The following SWT1 variants were observed in gnomAD, a reference collection of about 807,000 sequenced individuals.
SWT1 encodes the protein transcriptional protein SWT1.
Under a neutral mutation model 107.3 loss-of-function variants are expected in SWT1, and 33 were observed. That is an observed-to-expected ratio of 0.31 (90% CI 0.23 to 0.41). The LOEUF (loss-of-function observed/expected upper bound fraction) is 0.41, where lower values mean the gene tolerates loss of function less well. Among genes scored for constraint, SWT1 ranks in the 10% least tolerant of loss-of-function variants. The pLI is 1.00. For synonymous variants in SWT1, 345 were observed against 348.3 expected (o/e 0.99, Z 0.11); for missense variants, 898 against 1,028.9 (o/e 0.87, Z 1.74).
At chr1:185,188,963 C>CATT (rs1252291650) in intron 9 of SWT1, among the ~76,000 whole-genome samples, 17 of 151,964 alleles carry the variant, frequency 1.1e-4, no homozygotes, top group Admixed American at 1.3e-4. Flanking sequence ...CTACACATTG[C>CATT]ATTATTATTA....
chr1:185,226,704 C>T lies in SWT1; in HGVS notation c.2309+4668C>T, dbSNP rs1251143026. ...CAAAAACAAACAAACAAAAGCTTCC[C>T]TGCTATTTCTCATTTAAGCTTCTGA... On this transcript the variant is annotated intron_variant, in intron 15 of 18. Coordinates refer to ENST00000367500, the MANE Select transcript of SWT1 (RefSeq NM_017673.7). 14 of 448,240 alleles carry T rather than the reference C, an allele frequency of 3.1e-5. No homozygotes were observed. The East Asian group carries it at 3.1e-4, about 10-fold the overall frequency. 27.8% of individuals were successfully genotyped at this position (448,240 alleles called of 1,614,324 possible).
chr1:185,229,456 C>A (rs548172616), intron 15 of SWT1, among the ~76,000 whole-genome samples: 5 of 151,794 alleles, frequency 3.3e-5, no homozygotes, highest in Non-Finnish European at 7.4e-5. Context: ...GGAGGAAGAA[C>A]TTTTAGTGTC....
chr1:185,171,779 T>G, intron 4 of SWT1: 1 of 385,458 alleles, frequency 2.6e-6, no homozygotes. Context: ...TGGCACAGTC[T>G]CGGCTCACTG....
Position 185,221,878 on chromosome 1 carries a change from A to G in SWT1, c.2151A>G (p.Ser717=). 6.3e-7 allele frequency: 1 copy of G among 1,597,882 alleles called. No individual in the cohort carries two copies. Among genetic ancestry groups the G allele is most frequent in the East Asian group, 2.2e-5 (1 of 44,474 alleles). ...AGACAAAACTTAAGCCAAATTCTTCAGAAAACACAGTGACTAAAAAGCAGG... is the reference window on the plus strand; with the variant it reads ...AGACAAAACTTAAGCCAAATTCTTCGGAAAACACAGTGACTAAAAAGCAGG... ...EVKTKLKPNS[S]ENTVTKKQEG... The change falls in exon 15 of 19, where the codon TCA becomes TCG. Residue 717 remains serine (S), a synonymous_variant. Transcript: ENST00000367500.
Position 185,220,138 on chromosome 1 carries a change from C to CA in SWT1, c.2122-1685dup, listed in dbSNP as rs34674504. 2.9e-3 allele frequency among the ~76,000 whole-genome samples: 132 copies of CA among 45,630 alleles called. 5 individuals are homozygous for CA. The highest frequency in any genetic ancestry group is 6.1e-3 in the South Asian group (5 of 814). The allele number at this position is 45,630 out of a possible 152,430, so 29.9% of individuals were successfully genotyped here. ...TGGGTGGCAGAATGAGACCCTGTCT[C>CA]AAAAAAAAAAAAAAAAAAAAAAAAA... On this transcript the variant is annotated intron_variant, in intron 14 of 18. Coordinates refer to ENST00000367500, the MANE Select transcript of SWT1 (RefSeq NM_017673.7).
chr1:185,262,933 G>A lies in SWT1; in HGVS notation c.2442-8390G>A, dbSNP rs112701777. ...CTCCTGAGTAGCTGGGAATACAGGCGTGTGCCGTCATCCTGGGTGATTTTT... is the reference window on the plus strand; with the variant it reads ...CTCCTGAGTAGCTGGGAATACAGGCATGTGCCGTCATCCTGGGTGATTTTT... On this transcript the variant is annotated intron_variant, in intron 16 of 18. Coordinates refer to ENST00000367500, the MANE Select transcript of SWT1 (RefSeq NM_017673.7). 8.8e-3 allele frequency among the ~76,000 whole-genome samples: 1,334 copies of A among 151,994 alleles called. 17 individuals carry two copies. Among genetic ancestry groups the A allele is most frequent in the African/African-American group, 0.029 (1,193 of 41,444 alleles).
chr1:185,219,699 T>TA (rs1217273549), intron 14 of SWT1, among the ~76,000 whole-genome samples: 3 of 152,170 alleles, frequency 2.0e-5, no homozygotes, highest in African/African-American at 7.2e-5. Flanking sequence ...GATATATATA[T>TA]TTTTAAAAAC....
At chr1:185,196,685 T>C (rs1348784341) in intron 10 of SWT1, among the ~76,000 whole-genome samples, 2 of 152,192 alleles carry the variant, frequency 1.3e-5, no homozygotes, top group Non-Finnish European at 2.9e-5. Flanking sequence ...TAGTTCTTCT[T>C]AAAGAGGTCC....
chr1:185,251,116 T>C (rs1364694041), intron 16 of SWT1, among the ~76,000 whole-genome samples: 1 of 152,212 alleles, frequency 6.6e-6, no homozygotes, highest in African/African-American at 2.4e-5. Context: ...CATGGAAAAG[T>C]TTTTATTAAA....
chr1:185,229,948 T>TA (rs1660389385), intron 15 of SWT1, among the ~76,000 whole-genome samples: 1 of 151,720 alleles, frequency 6.6e-6, no homozygotes, highest in Admixed American at 6.6e-5. Context: ...TCCTGGGGAG[T>TA]AACCGCTCAA....
chr1:185,211,523 A>G (rs1017695871), intron 13 of SWT1, among the ~76,000 whole-genome samples: 10 of 152,194 alleles, frequency 6.6e-5, no homozygotes, highest in African/African-American at 2.2e-4. Flanking sequence ...GGAGCAACAT[A>G]TTGGACATCT....
At position 185,206,768 on chromosome 1, in the gene SWT1, G is replaced by T; in HGVS notation, c.1972+5G>T. On this transcript the variant is annotated splice_donor_5th_base_variant and intron_variant, in intron 13 of 18. Transcript: ENST00000367500. ...TATACAAAAATCTCCGTAAAGGTAT[G>T]AATCTTTTATTTTTCTCTTTAGCAG... The T allele has an allele frequency of 6.3e-7, 1 of 1,577,184 alleles. No homozygotes were observed.
In SWT1 at chr1:185,257,221, C is replaced by T. The variant is rs573111595; in HGVS notation, c.2442-14102C>T. 8.3e-3 allele frequency among the ~76,000 whole-genome samples: 1,262 copies of T among 152,174 alleles called. 21 individuals are homozygous for T. The highest frequency in any genetic ancestry group is 0.029 in the African/African-American group (1,202 of 41,508). On this transcript the variant is annotated intron_variant, in intron 16 of 18. Coordinates refer to ENST00000367500, the MANE Select transcript of SWT1 (RefSeq NM_017673.7). Reference sequence around the variant, plus strand: ...GGGACATTTAAGTCTGCAGAGGTTACTGCTGTCTTTTTGTTTGTCTGTGCC... The same window carrying T: ...GGGACATTTAAGTCTGCAGAGGTTATTGCTGTCTTTTTGTTTGTCTGTGCC...
At chr1:185,216,730 T>C (rs1416985393) in intron 14 of SWT1, among the ~76,000 whole-genome samples, 1 of 152,098 alleles carries the variant, frequency 6.6e-6, no homozygotes, top group Non-Finnish European at 1.5e-5. Context: ...GTTGGGTGGA[T>C]CACCTAAGGG....
rs1332253554 is a variant in SWT1 at position 185,291,034 on chromosome 1, C to T, written c.*231C>T. ...ACTCTTCTGGAGTTCACAATGCCTCCCTACCTCTATTCTTGATAGTGAGCC... is the reference window on the plus strand; with the variant it reads ...ACTCTTCTGGAGTTCACAATGCCTCTCTACCTCTATTCTTGATAGTGAGCC... On this transcript the variant is annotated 3_prime_UTR_variant, in exon 19 of 19. Transcript: ENST00000367500. The T allele has an allele frequency of 3.7e-6, 1 of 270,172 alleles. No individual in the cohort carries two copies. Among genetic ancestry groups the T allele is most frequent in the Admixed American group, 5.2e-5 (1 of 19,354 alleles). 16.7% of individuals were successfully genotyped at this position (270,172 alleles called of 1,614,324 possible).
chr1:185,291,568 G>A lies in SWT1; in HGVS notation c.*765G>A, dbSNP rs1000202375. 4 of 152,610 alleles carry A rather than the reference G, an allele frequency of 2.6e-5. No individual in the cohort carries two copies. Among genetic ancestry groups the A allele is most frequent in the Non-Finnish European group, 5.9e-5 (4 of 68,032 alleles). 9.5% of individuals were successfully genotyped at this position (152,610 alleles called of 1,614,324 possible). On this transcript the variant is annotated 3_prime_UTR_variant, in exon 19 of 19. Transcript: ENST00000367500. ...AGTTGACTTTTTAGTTATAGGATAA[G>A]TTGGAAGTCCTTGTTTACTGGAATA...
intron 14 of SWT1, 51 bp from the exon 15 acceptor site, chr1:185,221,798 C>A: frequency 1.5e-6 from 2 of 1,322,148 alleles, no homozygotes; most frequent in Non-Finnish European, 2.0e-6. Context: ...CTCTTTTTCT[C>A]CTCTGCAAAT....
chr1:185,159,958 A>G (rs934610289), intron 1 of SWT1, among the ~76,000 whole-genome samples: 1 of 152,080 alleles, frequency 6.6e-6, no homozygotes, highest in East Asian at 1.9e-4. Flanking sequence ...TCCTGACCTC[A>G]GGTGATCCGC....
At chr1:185,207,502 G>GA (rs1436377604) in intron 13 of SWT1, among the ~76,000 whole-genome samples, 1 of 152,160 alleles carries the variant, frequency 6.6e-6, no homozygotes. Flanking sequence ...AAAAATGTGA[G>GA]AAAAACTGAT....
Sources: gnomAD v4.1 joint callset for allele counts (sites outside exome capture counted in the v4.1 genomes callset) on GRCh38, gnomAD v4.1.1 for gene constraint, MANE v1.5 for transcripts, NCBI Gene and HGNC (gene_info 2026-07-23, HGNC 2026-07-21) for gene names.